Variants in KPNA1 observed in about 807,000 individuals in gnomAD.
KPNA1 encodes karyopherin subunit alpha 1, also known as importin subunit alpha-5.
KPNA1 carries 10 observed loss-of-function variants against 70.5 expected under a neutral mutation model. That is an observed-to-expected ratio of 0.14 (90% confidence interval 0.09 to 0.24). KPNA1 has a LOEUF of 0.24. Ranked by LOEUF, KPNA1 falls within the 10% of genes least tolerant of loss-of-function variation. KPNA1 has a pLI of 1.00. For missense variants in KPNA1, 397 were observed against 637.9 expected (o/e 0.62, Z 4.07); for synonymous variants, 192 against 221.9 (o/e 0.87, Z 1.20).
chr3:122,507,215 C>T (rs571594234), intron 1 of KPNA1, among the ~76,000 whole-genome samples: 13 of 152,178 alleles, frequency 8.5e-5, no homozygotes, highest in Admixed American at 2.0e-4. Context: ...CCAAGGCGGG[C>T]GGATCACCAG....
chr3:122,493,884 C>T (rs2076728382), intron 2 of KPNA1, among the ~76,000 whole-genome samples: 1 of 152,188 alleles, frequency 6.6e-6, no homozygotes, highest in African/African-American at 2.4e-5. Flanking sequence ...CCCGCCCAGC[C>T]TCATTATAGT....
chr3:122,459,531 G>A lies in KPNA1; in HGVS notation c.432+1693C>T, dbSNP rs1057388715. On this transcript the variant is annotated intron_variant, in intron 5 of 13. Coordinates refer to ENST00000344337, the MANE Select transcript of KPNA1 (RefSeq NM_002264.4). ...TCTCGGCAGGTTGCTTAGGGGATCA[G>A]GCTCTGTTCTCTGCAGTGTTGGTTG... The A allele has an allele frequency of 8.1e-6, 8 of 985,294 alleles. No homozygotes were observed. The African/African-American group carries it at 1.2e-4, about 15-fold the overall frequency. The allele number at this position is 985,294 out of a possible 1,614,324, so 61.0% of individuals were successfully genotyped here.
intron 12 of KPNA1, among the ~76,000 whole-genome samples, chr3:122,431,786 T>C (rs1047496724): frequency 4.6e-4 from 70 of 151,760 alleles, no homozygotes; most frequent in African/African-American, 1.6e-3. Context: ...TATATGTTTA[T>C]GGTTTATTTC....
intron 1 of KPNA1, among the ~76,000 whole-genome samples, chr3:122,504,823 AT>A (rs1196833240): frequency 6.6e-6 from 1 of 152,222 alleles, no homozygotes; most frequent in African/African-American, 2.4e-5. Context: ...TTTTTAAAAC[AT>A]AAATATCTCA....
In KPNA1 at chr3:122,426,848, CGCAAGGCAA is replaced by C. The variant is rs1197763674; in HGVS notation, c.*128_*136del. The C allele has an allele frequency of 1.6e-6, 1 of 638,970 alleles. No homozygotes were observed. Among genetic ancestry groups the C allele is most frequent in the Non-Finnish European group, 2.6e-6 (1 of 378,234 alleles). 39.6% of individuals were successfully genotyped at this position (638,970 alleles called of 1,614,324 possible). A position where few individuals can be genotyped will look rare whatever the true frequency, so the allele number is the denominator to read the frequency against. On this transcript the variant is annotated 3_prime_UTR_variant, in exon 14 of 14. Transcript: ENST00000344337. ...CCAGATGTGTGTAAGAGAGCAGGTG[CGCAAGGCAA>C]GCAAATGAGCGCAAACAGTATTATG... is the stretch of plus-strand genomic sequence containing the variant.
chr3:122,451,467 T>A (rs899123176), intron 8 of KPNA1, 67 bp downstream of exon 8: 6 of 790,780 alleles, frequency 7.6e-6, no homozygotes, highest in Non-Finnish European at 1.3e-5. Context: ...CTGTTCACCT[T>A]ACCATTGGTT....
Position 122,442,083 on chromosome 3 carries a change from C to A in KPNA1, c.951G>T (p.Leu317Phe). 6.2e-7 allele frequency: 1 copy of A among 1,613,932 alleles called. No homozygotes were observed. The highest frequency in any genetic ancestry group is 8.5e-7 in the Non-Finnish European group (1 of 1,179,866). Residue 317 changes from leucine to phenylalanine, a missense_variant, in exon 10 of 14, where the codon TTG becomes TTT. Physicochemically the swap from Leu to Phe is conservative, Grantham distance 22 (BLOSUM62 0). Transcript: ENST00000344337. ...HNDYKVVSPA[L>F]RAVGNIVTGD... ...CTGTGACAATGTTTCCCACAGCTCGCAAAGCAGGAGAAACCACTTTATAAT... is the reference window on the plus strand; with the variant it reads ...CTGTGACAATGTTTCCCACAGCTCGAAAAGCAGGAGAAACCACTTTATAAT...
At chr3:122,434,384 T>A (rs2075956731) in intron 11 of KPNA1, among the ~76,000 whole-genome samples, 1 of 152,210 alleles carries the variant, frequency 6.6e-6, no homozygotes, top group Non-Finnish European at 1.5e-5. Context: ...AAGAGCTCAA[T>A]TTTCTGCTCC....
chr3:122,481,869 C>A (rs1484806765), intron 2 of KPNA1, among the ~76,000 whole-genome samples: 1 of 152,110 alleles, frequency 6.6e-6, no homozygotes, highest in Non-Finnish European at 1.5e-5. Context: ...ATCTATTCAA[C>A]TAGGAACAGA....
chr3:122,457,765 G>T, intron 5 of KPNA1: 3 of 1,289,736 alleles, frequency 2.3e-6, no homozygotes, highest in Non-Finnish European at 3.0e-6. Flanking sequence ...GGTACGCCTG[G>T]TTCCCTTTCT....
intron 2 of KPNA1, among the ~76,000 whole-genome samples, chr3:122,471,241 A>T (rs1409478684): frequency 6.6e-6 from 1 of 152,226 alleles, no homozygotes; most frequent in Non-Finnish European, 1.5e-5. Flanking sequence ...ATTTGTCAAC[A>T]TAATCACTCT....
intron 2 of KPNA1, among the ~76,000 whole-genome samples, chr3:122,488,200 G>C (rs772049677): frequency 6.6e-6 from 1 of 152,084 alleles, no homozygotes. Flanking sequence ...AGCTGACTGC[G>C]CTCTTTGATG....
rs191236252 is a variant in KPNA1, at chr3:122,466,127, A to G, written c.237+1195T>C. On this transcript the variant is annotated intron_variant, in intron 3 of 13. Transcript: ENST00000344337. ...ATTGGCTATGTCTGTATGAATTCCA[A>G]AGGAAATAATACTACCCTCCCAACT... 2.3e-4 allele frequency among the ~76,000 whole-genome samples: 35 copies of G among 152,318 alleles called. No homozygotes were observed. In the East Asian group the frequency reaches 6.4e-3, roughly 28 times the overall value.
intron 2 of KPNA1, among the ~76,000 whole-genome samples, chr3:122,495,433 A>G (rs2076748218): frequency 1.3e-5 from 2 of 152,116 alleles, no homozygotes. Flanking sequence ...GCTGCACTCA[A>G]TATAAAGTCT....
chr3:122,503,848 GA>G (rs1453411662), intron 1 of KPNA1, among the ~76,000 whole-genome samples: 1 of 151,558 alleles, frequency 6.6e-6, no homozygotes, highest in African/African-American at 2.4e-5. Context: ...AGAGCTGTTT[GA>G]AAAAAAACAC....
At chr3:122,445,067 A>G (rs928375838) in intron 9 of KPNA1, among the ~76,000 whole-genome samples, 5 of 152,256 alleles carry the variant, frequency 3.3e-5, no homozygotes, top group Non-Finnish European at 5.9e-5. Context: ...ACGAGTTGAC[A>G]GAAGTAGGCT....
chr3:122,485,720 G>A (rs928112883), intron 2 of KPNA1, among the ~76,000 whole-genome samples: 13 of 152,022 alleles, frequency 8.6e-5, no homozygotes, highest in Non-Finnish European at 1.3e-4. Flanking sequence ...GTGATCTATC[G>A]TATAGCATAG....
chr3:122,490,018 C>A (rs1340142963), intron 2 of KPNA1, among the ~76,000 whole-genome samples: 3 of 152,226 alleles, frequency 2.0e-5, no homozygotes, highest in African/African-American at 4.8e-5. Context: ...GAGGGATAGG[C>A]ACTGTTTCCA....
At chr3:122,436,382 C>T (rs2075988226) in intron 11 of KPNA1, among the ~76,000 whole-genome samples, 1 of 152,224 alleles carries the variant, frequency 6.6e-6, no homozygotes, top group Non-Finnish European at 1.5e-5. Context: ...CTGTGACCCA[C>T]AACCTATTCG....
Sources: allele counts gnomAD v4.1 joint callset (sites outside exome capture counted in the v4.1 genomes callset), GRCh38; gene constraint gnomAD v4.1.1; transcripts MANE v1.5; gene names NCBI Gene and HGNC (gene_info 2026-07-23, HGNC 2026-07-21).